TMEM266: variants seen among roughly 807,000 people sequenced by gnomAD.
TMEM266 encodes the protein Hv1 related protein 1.
A neutral mutation model predicts 50.5 loss-of-function variants in TMEM266; 33 were observed. That is an observed-to-expected ratio of 0.65 (90% CI 0.50 to 0.87). The LOEUF is 0.87. Among genes scored for constraint, TMEM266 ranks in the 40% least tolerant of loss-of-function variants. The probability of loss-of-function intolerance (pLI) is 0.00; values close to 1 mark genes in which losing one functional copy is unlikely to be tolerated. For synonymous variants in TMEM266, 310 were observed against 292.3 expected (o/e 1.06, Z -0.62); for missense variants, 655 against 695.1 (o/e 0.94, Z 0.65).
chr15:76,134,338 C>G (rs1287481648), intron 2 of TMEM266, 37 bp downstream of exon 2: 5 of 1,598,060 alleles, frequency 3.1e-6, no homozygotes, highest in Non-Finnish European at 3.4e-6. Flanking sequence ...GGATCCAGAA[C>G]TGTGGCTATA....
At chr15:76,076,459 A>G (rs1048871862) in intron 1 of TMEM266, among the ~76,000 whole-genome samples, 5 of 152,098 alleles carry the variant, frequency 3.3e-5, no homozygotes, top group African/African-American at 1.2e-4. Flanking sequence ...CCTATGCTTA[A>G]ATATTCACAC....
intron 8 of TMEM266, among the ~76,000 whole-genome samples, chr15:76,187,657 A>G (rs1267849116): frequency 1.3e-5 from 2 of 152,182 alleles, no homozygotes; most frequent in South Asian, 2.1e-4. Context: ...TCAGTGTCTG[A>G]GCCCAGTGTG....
intron 1 of TMEM266, among the ~76,000 whole-genome samples, chr15:76,125,772 C>T (rs11853090): frequency 0.011 from 1,670 of 150,132 alleles, 26 homozygotes; most frequent in African/African-American, 0.039. Flanking sequence ...TGCTGGAACC[C>T]GGGAGGCAGA....
chr15:76,116,211 CG>C (rs1464558366), intron 1 of TMEM266, among the ~76,000 whole-genome samples: 1 of 152,044 alleles, frequency 6.6e-6, no homozygotes, highest in Non-Finnish European at 1.5e-5. Context: ...TACTTATGCA[CG>C]TCTCCAAGCT....
At chr15:76,169,993 C>A in intron 6 of TMEM266, 121 bp downstream of exon 6, 2 of 1,044,000 alleles carry the variant, frequency 1.9e-6, no homozygotes, top group Non-Finnish European at 1.5e-6. Context: ...TCCCACTTGA[C>A]CTCTGTGGCT....
chr15:76,103,073 A>G (rs2037028058), intron 1 of TMEM266, among the ~76,000 whole-genome samples: 1 of 151,992 alleles, frequency 6.6e-6, no homozygotes, highest in African/African-American at 2.4e-5. Flanking sequence ...GGGAGACAGG[A>G]GTCTATGGCA....
chr15:76,146,321 G>T (rs1389298948), intron 3 of TMEM266, among the ~76,000 whole-genome samples: 1 of 152,200 alleles, frequency 6.6e-6, no homozygotes, highest in Non-Finnish European at 1.5e-5. Context: ...GGGTGAGGAA[G>T]TGGGATAGTC....
At chr15:76,148,127 G>C (rs914423529) in intron 3 of TMEM266, among the ~76,000 whole-genome samples, 1 of 152,234 alleles carries the variant, frequency 6.6e-6, no homozygotes, top group East Asian at 1.9e-4. Flanking sequence ...CACCTGGGTC[G>C]GGGGTGTGTC....
At chr15:76,144,605 A>G (rs555916143) in intron 3 of TMEM266, among the ~76,000 whole-genome samples, 1 of 152,122 alleles carries the variant, frequency 6.6e-6, no homozygotes, top group Non-Finnish European at 1.5e-5. Context: ...CTCCAGTCCT[A>G]TGTGCTTCTG....
At chr15:76,121,775 G>A (rs1185465113) in intron 1 of TMEM266, among the ~76,000 whole-genome samples, 2 of 152,132 alleles carry the variant, frequency 1.3e-5, no homozygotes, top group East Asian at 3.9e-4. Context: ...GCCAGCGTGA[G>A]GAATCATTAG....
chr15:76,182,199 C>T (rs906245252), intron 8 of TMEM266, among the ~76,000 whole-genome samples: 7 of 152,118 alleles, frequency 4.6e-5, no homozygotes, highest in African/African-American at 1.7e-4. Context: ...AAACCTCAGC[C>T]CCACCAGTGA....
intron 3 of TMEM266, among the ~76,000 whole-genome samples, chr15:76,150,215 G>T (rs2037817310): frequency 6.6e-6 from 1 of 152,202 alleles, no homozygotes; most frequent in Non-Finnish European, 1.5e-5. Flanking sequence ...TGTATCCACT[G>T]CTGGAGAGCT....
At chr15:76,172,687 C>T (rs1255637675) in intron 7 of TMEM266, among the ~76,000 whole-genome samples, 2 of 152,178 alleles carry the variant, frequency 1.3e-5, no homozygotes, top group African/African-American at 2.4e-5. Context: ...GGTTCACTCC[C>T]CTCATTTGAC....
chr15:76,165,160 C>T (rs1416858867), intron 5 of TMEM266, among the ~76,000 whole-genome samples: 2 of 152,226 alleles, frequency 1.3e-5, no homozygotes, highest in Non-Finnish European at 1.5e-5. Context: ...TGGGATTTCC[C>T]ACTCTCCCCT....
intron 1 of TMEM266, among the ~76,000 whole-genome samples, chr15:76,123,450 TG>T (rs1272945322): frequency 6.6e-6 from 1 of 152,176 alleles, no homozygotes; most frequent in African/African-American, 2.4e-5. Flanking sequence ...GAACCTCACA[TG>T]CATGCAATGC....
intron 1 of TMEM266, among the ~76,000 whole-genome samples, chr15:76,130,255 C>A (rs76095170): frequency 0.94 from 60,312 of 63,996 alleles, 28,404 homozygotes; most frequent in Middle Eastern, 0.99. Flanking sequence ...AAAAAAAAAA[C>A]CGCCGGGTGC....
chr15:76,104,918 C>G (rs2037058161), intron 1 of TMEM266, among the ~76,000 whole-genome samples: 1 of 151,354 alleles, frequency 6.6e-6, no homozygotes, highest in Non-Finnish European at 1.5e-5. Context: ...CCTATGCAAT[C>G]TTTTCTTATT....
chr15:76,065,020 G>A (rs1030525230), intron 1 of TMEM266, among the ~76,000 whole-genome samples: 9 of 152,106 alleles, frequency 5.9e-5, no homozygotes, highest in African/African-American at 2.2e-4. Flanking sequence ...TCAAATCTTT[G>A]TACTTTACCT....
At chr15:76,085,046 G>A (rs1348928517) in intron 1 of TMEM266, among the ~76,000 whole-genome samples, 1 of 149,296 alleles carries the variant, frequency 6.7e-6, no homozygotes, top group African/African-American at 2.5e-5. Context: ...TACAAGCTCC[G>A]CCTCCCAGGT....
Sources: gnomAD v4.1 joint callset for allele counts (sites outside exome capture counted in the v4.1 genomes callset) on GRCh38, gnomAD v4.1.1 for gene constraint, MANE v1.5 for transcripts, NCBI Gene and HGNC (gene_info 2026-07-23, HGNC 2026-07-21) for gene names.